STAT4: variants seen among roughly 807,000 people sequenced by gnomAD.
STAT4 encodes signal transducer and activator of transcription 4.
A neutral mutation model predicts 110.5 loss-of-function variants in STAT4; 42 were observed. The observed-to-expected ratio is 0.38, with a 90% CI of 0.30 to 0.49. The LOEUF (loss-of-function observed/expected upper bound fraction) is 0.49, where lower values mean the gene tolerates loss of function less well. STAT4 is among the 20% of genes least tolerant of loss of function. The probability of loss-of-function intolerance (pLI) is 0.95; values close to 1 mark genes in which losing one functional copy is unlikely to be tolerated. For missense variants in STAT4, 632 were observed against 887.9 expected (o/e 0.71, Z 3.66); for synonymous variants, 284 against 302.2 (o/e 0.94, Z 0.63).
chr2:191,116,828 A>C lies in STAT4; in HGVS notation c.273+29785T>G, dbSNP rs1218898832. On this transcript the variant is annotated intron_variant, in intron 3 of 23. Transcript: ENST00000392320. The surrounding 1 kb of genome is among the most constrained non-coding windows in gnomAD (Gnocchi z 4.1). Reference sequence around the variant, plus strand: ...TTGAATGAATAAATGACTGAAAGTAAATTTACTCAAATGTCTCAGAAATGA... The same window carrying C: ...TTGAATGAATAAATGACTGAAAGTACATTTACTCAAATGTCTCAGAAATGA... Among the ~76,000 whole-genome samples, 3 of 152,240 alleles carry C rather than the reference A, an allele frequency of 2.0e-5. No individual in the cohort carries two copies. In the East Asian group the frequency reaches 5.8e-4, roughly 29 times the overall value.
rs756625612 is a variant in STAT4, at chr2:191,076,289, C to T, written c.310G>A (p.Val104Ile). 1.2e-6 allele frequency: 2 copies of T among 1,613,272 alleles called. No individual in the cohort carries two copies. Among genetic ancestry groups the T allele is most frequent in the South Asian group, 1.1e-5 (1 of 91,016 alleles). ...FHGNPMHVAV[V>I]ISNCLREERR... ...TCTTCCCTTAAACAGTTTGAAATAA[C>T]CACAGCTACATGCATTGGATTTCCA... The change falls in exon 4 of 24, where the codon GTT becomes ATT. Residue 104 changes from valine to isoleucine, a missense_variant. This residue lies in a region of STAT4 where 488 missense variants were observed against 632.8 expected (regional missense o/e 0.77). Transcript: ENST00000392320.
rs556076493 is a variant in STAT4 at position 191,099,568 on chromosome 2, C to T, written c.274-23243G>A. On this transcript the variant is annotated intron_variant, in intron 3 of 23. Transcript: ENST00000392320. This position sits in a 1 kb window ranked among gnomAD's most constrained non-coding sequence, Gnocchi z 4.1. ...AGCAGAGATATGAATAATAAAATTT[C>T]ATTTTTGTAAATGACAAAATATTTC... 2.6e-3 allele frequency among the ~76,000 whole-genome samples: 395 copies of T among 152,100 alleles called. 2 individuals carry two copies. Among genetic ancestry groups the T allele is most frequent in the African/African-American group, 8.6e-3 (357 of 41,458 alleles).
rs1398234825 is a variant in STAT4, at chr2:191,113,777, T to C, written c.273+32836A>G. On this transcript the variant is annotated intron_variant, in intron 3 of 23. Transcript: ENST00000392320. This position sits in a 1 kb window ranked among gnomAD's most constrained non-coding sequence, Gnocchi z 4.8. ...AAAGAAAATCTGTGAAAATTCCTTA[T>C]TTTTTAAAAGTACACTTTTTGTACA... is the stretch of plus-strand genomic sequence containing the variant. Among the ~76,000 whole-genome samples the C allele has an allele frequency of 1.3e-5, 2 of 152,214 alleles. No individual in the cohort carries two copies. The highest frequency in any genetic ancestry group is 4.8e-5 in the African/African-American group (2 of 41,454).
At position 191,143,493 on chromosome 2, in the gene STAT4, A is replaced by G. The variant is rs1257660718; in HGVS notation, c.273+3120T>C. ...CTGAACGATGGTGTTTATTGCTTCC[A>G]CCTTGGAGCTTCTTGAATTTGCCAT... On this transcript the variant is annotated intron_variant, in intron 3 of 23. Transcript: ENST00000392320. The surrounding 1 kb of genome is among the most constrained non-coding windows in gnomAD (Gnocchi z 5.6). Among the ~76,000 whole-genome samples the G allele has an allele frequency of 6.6e-6, 1 of 152,128 alleles. No homozygotes were observed. Among genetic ancestry groups the G allele is most frequent in the Non-Finnish European group, 1.5e-5 (1 of 68,020 alleles).
chr2:191,111,575 G>C (rs1459444749), intron 3 of STAT4, among the ~76,000 whole-genome samples: 2 of 152,176 alleles, frequency 1.3e-5, no homozygotes, highest in African/African-American at 4.8e-5. Flanking sequence ...GCATGGGGCC[G>C]AGTGTGATGG....
In STAT4 at chr2:191,147,690, G is replaced by A. The variant is rs190615504; in HGVS notation, c.128+386C>T. Among the ~76,000 whole-genome samples the A allele has an allele frequency of 2.0e-5, 3 of 152,152 alleles. No homozygotes were observed. Among genetic ancestry groups the A allele is most frequent in the Admixed American group, 6.5e-5 (1 of 15,280 alleles). ...TGTATTTTACCACAATAAAAAAGATGGCTGAAAAAAATTAAATGGTATAAG... is the reference window on the plus strand; with the variant it reads ...TGTATTTTACCACAATAAAAAAGATAGCTGAAAAAAATTAAATGGTATAAG... On this transcript the variant is annotated intron_variant, in intron 2 of 23. Coordinates refer to ENST00000392320, the MANE Select transcript of STAT4 (RefSeq NM_003151.4). The surrounding 1 kb of genome is among the most constrained non-coding windows in gnomAD (Gnocchi z 4.1).
chr2:191,103,937 C>T (rs1230028197), intron 3 of STAT4, among the ~76,000 whole-genome samples: 1 of 152,108 alleles, frequency 6.6e-6, no homozygotes, highest in Non-Finnish European at 1.5e-5. Flanking sequence ...CATTTATCAT[C>T]ACCCTGGTCT....
At position 191,060,710 on chromosome 2, in the gene STAT4, T is replaced by C. The variant is rs1418554890; in HGVS notation, c.1034+1019A>G. Among the ~76,000 whole-genome samples, 3 of 152,242 alleles carry C rather than the reference T, an allele frequency of 2.0e-5. No individual in the cohort carries two copies. Among genetic ancestry groups the C allele is most frequent in the Non-Finnish European group, 4.4e-5 (3 of 68,036 alleles). ...CTGGGATTATAGGCGTGAGCCACCA[T>C]GCCTGGCCAACAGTGCAATTTAAAA... On this transcript the variant is annotated intron_variant, in intron 10 of 23. Coordinates refer to ENST00000392320, the MANE Select transcript of STAT4 (RefSeq NM_003151.4). This position sits in a 1 kb window ranked among gnomAD's most constrained non-coding sequence, Gnocchi z 4.5.
intron 3 of STAT4, among the ~76,000 whole-genome samples, chr2:191,080,755 C>G (rs1006366725): frequency 3.6e-4 from 55 of 152,154 alleles, no homozygotes; most frequent in African/African-American, 1.3e-3. Flanking sequence ...TCTCAGATGT[C>G]TATTCCAGAA....
At chr2:191,096,571 C>A (rs9664190) in intron 3 of STAT4, among the ~76,000 whole-genome samples, 3 of 152,092 alleles carry the variant, frequency 2.0e-5, no homozygotes, top group Non-Finnish European at 2.9e-5. Context: ...ATTCCACAGC[C>A]CTTCATGTGA....
In STAT4 at chr2:191,037,024, T is replaced by A. The variant is rs1307051871; in HGVS notation, c.1435-725A>T. ...CTTTCTTCAGAAGCATCGCTTGACA[T>A]CTCTTTAACTTTTCCGTATCAGTCT... is the stretch of plus-strand genomic sequence containing the variant. On this transcript the variant is annotated intron_variant, in intron 16 of 23. Coordinates refer to ENST00000392320, the MANE Select transcript of STAT4 (RefSeq NM_003151.4). This position sits in a 1 kb window ranked among gnomAD's most constrained non-coding sequence, Gnocchi z 4.8. 1.3e-5 allele frequency among the ~76,000 whole-genome samples: 2 copies of A among 152,208 alleles called. No homozygotes were observed. Among genetic ancestry groups the A allele is most frequent in the South Asian group, 2.1e-4 (1 of 4,830 alleles).
chr2:191,081,194 G>A (rs187933296), intron 3 of STAT4, among the ~76,000 whole-genome samples: 142 of 152,302 alleles, frequency 9.3e-4, no homozygotes, highest in African/African-American at 2.7e-3. Context: ...TGGCTGCATA[G>A]TATTCCATGG....
In STAT4 at chr2:191,039,267, T is replaced by C; in HGVS notation, c.1366A>G (p.Asn456Asp). 6.2e-7 allele frequency: 1 copy of C among 1,614,162 alleles called. No individual in the cohort carries two copies. The highest frequency in any genetic ancestry group is 8.5e-7 in the Non-Finnish European group (1 of 1,180,010). The change falls in exon 16 of 24, where the codon AAT becomes GAT. Residue 456 changes from asparagine (N) to aspartate (D), a missense_variant. Coordinates refer to ENST00000392320, the MANE Select transcript of STAT4 (RefSeq NM_003151.4). The surrounding 1 kb of genome is among the most constrained non-coding windows in gnomAD (Gnocchi z 4.7). ...CAAGCATTAGGTAACTGACTGACAT[T>C]GGAAATCATCACCACAGGCAATGAG... ...TSSLPVVMIS[N>D]VSQLPNAWAS...
intron 13 of STAT4, among the ~76,000 whole-genome samples, chr2:191,057,590 T>C (rs1320206851): frequency 2.0e-5 from 3 of 150,484 alleles, no homozygotes; most frequent in East Asian, 2.0e-4. Flanking sequence ...TCTTTTTTTT[T>C]TTTTTCTTTT....
At position 191,054,472 on chromosome 2, in the gene STAT4, G is replaced by T; in HGVS notation, c.1251+18C>A. ...GATCTGTTTCCAGAAAAATTCTATA[G>T]GAGAAAACATTTCCTACCTCATTTC... On this transcript the variant is annotated intron_variant, in intron 14 of 23. Coordinates refer to ENST00000392320, the MANE Select transcript of STAT4 (RefSeq NM_003151.4). 6.2e-7 allele frequency: 1 copy of T among 1,604,778 alleles called. No homozygotes were observed. Among genetic ancestry groups the T allele is most frequent in the South Asian group, 1.1e-5 (1 of 89,122 alleles).
chr2:191,135,975 T>A lies in STAT4; in HGVS notation c.273+10638A>T, dbSNP rs1699168389. On this transcript the variant is annotated intron_variant, in intron 3 of 23. Transcript: ENST00000392320. The surrounding 1 kb of genome is among the most constrained non-coding windows in gnomAD (Gnocchi z 4.8). Reference sequence around the variant, plus strand: ...ACTGATGCAAAATTTGTCAACAAAATACTAGCAAATCAAATCCAACAGCAT... The same window carrying A: ...ACTGATGCAAAATTTGTCAACAAAAAACTAGCAAATCAAATCCAACAGCAT... Among the ~76,000 whole-genome samples the A allele has an allele frequency of 1.1e-5, 1 of 89,892 alleles. No individual in the cohort carries two copies. The highest frequency in any genetic ancestry group is 4.3e-5 in the African/African-American group (1 of 23,294). The allele number at this position is 89,892 out of a possible 152,430, so 59.0% of individuals were successfully genotyped here. A position where few individuals can be genotyped will look rare whatever the true frequency, so the allele number is the denominator to read the frequency against.
chr2:191,036,130 CA>C, intron 17 of STAT4, 33 bp downstream of exon 17: 1 of 1,600,572 alleles, frequency 6.2e-7, no homozygotes, highest in Non-Finnish European at 8.5e-7. Context: ...GGGCCAAAAA[CA>C]GAGGCAAATC....
chr2:191,038,099 A>G (rs1696090702), intron 16 of STAT4, among the ~76,000 whole-genome samples: 1 of 152,224 alleles, frequency 6.6e-6, no homozygotes, highest in African/African-American at 2.4e-5. Context: ...AGGCTGGAGG[A>G]CAGAGAAGTA....
At position 191,035,601 on chromosome 2, in the gene STAT4, ACT is replaced by A. The variant is rs1167241018; in HGVS notation, c.1570+561_1570+562del. Among the ~76,000 whole-genome samples the A allele has an allele frequency of 2.0e-5, 3 of 152,278 alleles. No homozygotes were observed. Among genetic ancestry groups the A allele is most frequent in the Middle Eastern group, 6.8e-3 (2 of 294 alleles). ...ATAGTTGGCACATGTAGTACCAGTG[ACT>A]CTATTTTGCAAACTTTAGAAATCTC... On this transcript the variant is annotated intron_variant, in intron 17 of 23. Transcript: ENST00000392320. The surrounding 1 kb of genome is among the most constrained non-coding windows in gnomAD (Gnocchi z 4.7).
Sources: allele counts gnomAD v4.1 joint callset (sites outside exome capture counted in the v4.1 genomes callset), GRCh38; gene constraint gnomAD v4.1.1; regional missense constraint gnomAD v4.1.1; non-coding constraint Gnocchi (gnomAD v3.1); transcripts MANE v1.5; gene names NCBI Gene and HGNC (gene_info 2026-07-23, HGNC 2026-07-21).